Variants in MUC5B observed in about 807,000 individuals in gnomAD.
MUC5B encodes the protein mucin-5B.
Under a neutral mutation model 376.9 loss-of-function variants are expected in MUC5B, and 116 were observed. The observed-to-expected ratio is 0.31, with a 90% CI of 0.26 to 0.36. The LOEUF is 0.36. Among genes scored for constraint, MUC5B ranks in the 10% least tolerant of loss-of-function variants. The pLI is 1.00. For synonymous variants in MUC5B, 3,517 were observed against 3,390.9 expected, an observed-to-expected ratio of 1.04 and a Z score of -1.29; for missense variants, 7,165 against 7,769.9, an observed-to-expected ratio of 0.92 and a Z score of 2.93.
chr11:1,240,896 G>A lies in MUC5B; in HGVS notation c.4016G>A (p.Arg1339His), dbSNP rs754848567. Reference sequence around the variant, plus strand: ...ACCGTGTGTGTCCGCGAGGTCTGCCGCTGGTCCAGCTGGTACAATGGGCAC... The same window carrying A: ...ACCGTGTGTGTCCGCGAGGTCTGCCACTGGTCCAGCTGGTACAATGGGCAC... ...VSTVCVREVC[R>H]WSSWYNGHRP... The change falls in exon 31 of 49, where the codon CGC becomes CAC. Residue 1339 changes from arginine (R) to histidine (H), a missense_variant. Arg to His is a conservative substitution (Grantham distance 29, BLOSUM62 0). This residue lies in a region of MUC5B where 517 missense variants were observed against 545.3 expected (regional missense o/e 0.95). Coordinates refer to ENST00000529681, the MANE Select transcript of MUC5B (RefSeq NM_002458.3). 9.3e-6 allele frequency: 15 copies of A among 1,612,360 alleles called. No individual in the cohort carries two copies. The highest frequency in any genetic ancestry group is 6.7e-5 in the African/African-American group (5 of 74,926).
Position 1,241,280 on chromosome 11 carries a change from C to A in MUC5B, c.4400C>A (p.Thr1467Asn). 6.3e-7 allele frequency: 1 copy of A among 1,597,788 alleles called. No homozygotes were observed. Among genetic ancestry groups the A allele is most frequent in the Non-Finnish European group, 8.5e-7 (1 of 1,172,334 alleles). Residue 1467 changes from threonine (T) to asparagine (N), a missense_variant, in exon 31 of 49, where the codon ACC (threonine) becomes AAC (asparagine). Transcript: ENST00000529681. ...PTQTTATEKT[T>N]LWVTPSIRST... is the part of the protein sequence containing the mutation. ...CAGACCACAGCAACCGAAAAGACCA[C>A]CCTATGGGTGACCCCGAGCATCCGG...
chr11:1,230,736 GC>G, intron 12 of MUC5B, 136 bp downstream of exon 12: 1 of 598,734 alleles, frequency 1.7e-6, no homozygotes, highest in Non-Finnish European at 2.5e-6. Flanking sequence ...TCCCCCTCCA[GC>G]CCCCAGGTCA....
chr11:1,248,873 C>A lies in MUC5B; in HGVS notation c.11993C>A (p.Thr3998Asn). 6.5e-7 allele frequency: 1 copy of A among 1,548,440 alleles called. No homozygotes were observed. The highest frequency in any genetic ancestry group is 8.7e-7 in the Non-Finnish European group (1 of 1,145,928). ...GTGACTCCCTCCTCTGCCCTAGGGA[C>A]CACCCACACACCCCCAGTGCCGAAC... ...STVTPSSALG[T>N]THTPPVPNTT... The change falls in exon 31 of 49, where the codon ACC becomes AAC. Residue 3998 changes from threonine (T) to asparagine (N), a missense_variant. Physicochemically the swap from Thr to Asn is moderately conservative, Grantham distance 65. Coordinates refer to ENST00000529681, the MANE Select transcript of MUC5B (RefSeq NM_002458.3).
chr11:1,233,831 C>A lies in MUC5B; in HGVS notation c.2360C>A (p.Ser787Tyr). The stretch of plus-strand genomic sequence containing the variant: ...GGGAAGCTAAGCTGCCTGGGAGCCT[C>A]TCTGCAGAAAAGCACAGGTAAGTGC... ...TGGKLSCLGA[S>Y]LQKSTGCAAP... Residue 787 changes from serine to tyrosine, a missense_variant, in exon 19 of 49, where the codon TCT becomes TAT. Ser to Tyr is a moderately radical substitution (Grantham distance 144). Transcript: ENST00000529681. The A allele has an allele frequency of 6.2e-7, 1 of 1,604,362 alleles. No homozygotes were observed.
rs1296144611 is a variant in MUC5B at position 1,258,653 on chromosome 11, AGATTCCTACCCGCCCG to A, written c.16594-281_16594-266del. Among the ~76,000 whole-genome samples the A allele has an allele frequency of 6.6e-6, 1 of 151,868 alleles. No individual in the cohort carries two copies. The highest frequency in any genetic ancestry group is 1.5e-5 in the Non-Finnish European group (1 of 67,902). ...GCCTGGGGTCCCCGCCTGCCCGCCC[AGATTCCTACCCGCCCG>A]GATTCCTGCCTGCCAGATTCCTGCC... is the stretch of plus-strand genomic sequence containing the variant. On this transcript the variant is annotated intron_variant, in intron 43 of 48. Coordinates refer to ENST00000529681, the MANE Select transcript of MUC5B (RefSeq NM_002458.3). This position sits in a 1 kb window ranked among gnomAD's most constrained non-coding sequence, Gnocchi z 5.5.
chr11:1,241,100 G>A lies in MUC5B; in HGVS notation c.4220G>A (p.Cys1407Tyr). 1 of 1,612,172 alleles carries A rather than the reference G, an allele frequency of 6.2e-7. No individual in the cohort carries two copies. Among genetic ancestry groups the A allele is most frequent in the Non-Finnish European group, 8.5e-7 (1 of 1,179,294 alleles). Reference protein sequence around the residue: ...VDCDRMRGLMCANSQQSPPLC... With the variant: ...VDCDRMRGLMYANSQQSPPLC... ...TGTGACCGCATGCGGGGGCTGATGT[G>A]CGCCAACAGCCAACAGAGTCCCCCG... Residue 1407 changes from cysteine to tyrosine, a missense_variant, in exon 31 of 49, where the codon TGC (cysteine) becomes TAC (tyrosine). Physicochemically the swap from Cys to Tyr is radical, Grantham distance 194 (BLOSUM62 -2). This residue lies in a region of MUC5B where 517 missense variants were observed against 545.3 expected (regional missense o/e 0.95). Transcript: ENST00000529681.
Position 1,260,618 on chromosome 11 carries a change from C to T in MUC5B, c.16967-8C>T, listed in dbSNP as rs771033712. 6 of 1,610,278 alleles carry T rather than the reference C, an allele frequency of 3.7e-6. No individual in the cohort carries two copies. The East Asian group carries it at 8.9e-5, about 24-fold the overall frequency. On this transcript the variant is annotated splice_region_variant and splice_polypyrimidine_tract_variant and intron_variant, in intron 47 of 48. Coordinates refer to ENST00000529681, the MANE Select transcript of MUC5B (RefSeq NM_002458.3). ...GTGGGGCTCCACATCTGCCTTTCCT[C>T]CTCCCAGACTCCTGTCAAGTCCGCA...
chr11:1,226,783 T>C lies in MUC5B; in HGVS notation c.368T>C (p.Val123Ala), dbSNP rs775923468. ...AACGTCCAGCTACGCCGAGGCCTAG[T>C]GGGCTCCAGGCCTGTGGTCACCCGT... ...DFNVQLRRGLVGSRPVVTRVV... is the reference protein window; with the variant it reads ...DFNVQLRRGLAGSRPVVTRVV... The change falls in exon 4 of 49, where the codon GTG becomes GCG. Residue 123 changes from valine (V) to alanine (A), a missense_variant. By Grantham distance (64) the Val-to-Ala change is moderately conservative (BLOSUM62 0). Coordinates refer to ENST00000529681, the MANE Select transcript of MUC5B (RefSeq NM_002458.3). The C allele has an allele frequency of 3.7e-6, 6 of 1,612,416 alleles. No individual in the cohort carries two copies. Among genetic ancestry groups the C allele is most frequent in the Non-Finnish European group, 5.1e-6 (6 of 1,179,796 alleles).
chr11:1,232,645 A>G lies in MUC5B; in HGVS notation c.1940A>G (p.Asn647Ser), dbSNP rs748552396. The G allele has an allele frequency of 6.2e-7, 1 of 1,602,184 alleles. No homozygotes were observed. Among genetic ancestry groups the G allele is most frequent in the South Asian group, 1.1e-5 (1 of 89,158 alleles). Reference protein sequence around the residue: ...SIINPKPFHSNCMFDTCNCER... With the variant: ...SIINPKPFHSSCMFDTCNCER... ...CCCCGATGCCTCCCACCTCCGCAGA[A>G]CTGCATGTTTGACACCTGCAACTGT... is the stretch of plus-strand genomic sequence containing the variant. Residue 647 changes from asparagine (N) to serine (S), a missense_variant and splice_region_variant, in exon 17 of 49, where the codon AAC (asparagine) becomes AGC (serine). Asn to Ser is a conservative substitution (Grantham distance 46). This residue lies in a region of MUC5B where 530 missense variants were observed against 604.0 expected (regional missense o/e 0.88). Coordinates refer to ENST00000529681, the MANE Select transcript of MUC5B (RefSeq NM_002458.3).
rs186930739 is a variant in MUC5B at position 1,261,766 on chromosome 11, C to T, written c.*158C>T. 6.6e-4 allele frequency: 511 copies of T among 776,878 alleles called. 6 individuals are homozygous for T. The African/African-American group carries it at 7.7e-3, about 12-fold the overall frequency. 48.1% of individuals were successfully genotyped at this position (776,878 alleles called of 1,614,324 possible). A position where few individuals can be genotyped will look rare whatever the true frequency, so the allele number is the denominator to read the frequency against. ...TGCCCACCCCGTGGGTGAAACCGGC[C>T]CCAGAAGGGTGAGGGGCCAGCAGGA... is the stretch of plus-strand genomic sequence containing the variant. On this transcript the variant is annotated 3_prime_UTR_variant, in exon 49 of 49. Transcript: ENST00000529681.
chr11:1,241,211 C>A lies in MUC5B; in HGVS notation c.4331C>A (p.Pro1444His). The A allele has an allele frequency of 6.3e-7, 1 of 1,593,642 alleles. No individual in the cohort carries two copies. Among genetic ancestry groups the A allele is most frequent in the East Asian group, 2.3e-5 (1 of 43,388 alleles). ...CCGGCCCCAGGCACCAGCCCTCAGC[C>A]CTCCCTCAGTGCCAGCACGGAGCCT... ...PSPAPGTSPQPSLSASTEPAV... is the reference protein window; with the variant it reads ...PSPAPGTSPQHSLSASTEPAV... The change falls in exon 31 of 49, where the codon CCC becomes CAC. Residue 1444 changes from proline to histidine, a missense_variant. Coordinates refer to ENST00000529681, the MANE Select transcript of MUC5B (RefSeq NM_002458.3).
At position 1,260,398 on chromosome 11, in the gene MUC5B, G is replaced by T; in HGVS notation, c.16966+5G>T. On this transcript the variant is annotated splice_donor_5th_base_variant and intron_variant, in intron 47 of 48. Transcript: ENST00000529681. Reference sequence around the variant, plus strand: ...GCTGCTACTCCTGTGAGGAGGGTAAGTGGAAGCCACCTTCCCACACCAGCC... The same window carrying T: ...GCTGCTACTCCTGTGAGGAGGGTAATTGGAAGCCACCTTCCCACACCAGCC... The T allele has an allele frequency of 6.2e-7, 1 of 1,612,502 alleles. No homozygotes were observed. The highest frequency in any genetic ancestry group is 8.5e-7 in the Non-Finnish European group (1 of 1,179,742).
Position 1,249,956 on chromosome 11 carries a change from C to A in MUC5B, c.13076C>A (p.Thr4359Asn). 2 of 1,611,718 alleles carry A rather than the reference C, an allele frequency of 1.2e-6. No individual in the cohort carries two copies. Among genetic ancestry groups the A allele is most frequent in the Non-Finnish European group, 1.7e-6 (2 of 1,179,036 alleles). ...STIHPSSTPE[T>N]THTSTVLTTK... ...ATCCACCCCTCCTCCACTCCGGAGA[C>A]CACCCACACCTCCACAGTGCTGACC... is the stretch of plus-strand genomic sequence containing the variant. The change falls in exon 31 of 49, where the codon ACC becomes AAC. Residue 4359 changes from threonine (T) to asparagine (N), a missense_variant. Thr to Asn is a moderately conservative substitution (Grantham distance 65). This residue lies in a region of MUC5B where 431 missense variants were observed against 390.4 expected (regional missense o/e 1.10). Transcript: ENST00000529681.
At position 1,249,115 on chromosome 11, in the gene MUC5B, C is replaced by A. The variant is rs749454706; in HGVS notation, c.12235C>A (p.Pro4079Thr). ...CCCTAGCAGCAGGACCACCGAGTCA[C>A]CCCCTTCCCCAGGGACGACCACCCC... Reference protein sequence around the residue: ...PHPSSRTTESPPSPGTTTPGH... With the variant: ...PHPSSRTTESTPSPGTTTPGH... The change falls in exon 31 of 49, where the codon CCC becomes ACC. Residue 4079 changes from proline to threonine, a missense_variant. This residue lies in a region of MUC5B where 85 missense variants were observed against 78.2 expected (regional missense o/e 1.09). Transcript: ENST00000529681. 5.6e-6 allele frequency: 9 copies of A among 1,611,252 alleles called. No individual in the cohort carries two copies. The African/African-American group carries it at 9.4e-5, about 17-fold the overall frequency.
At chr11:1,240,519 C>T in intron 30 of MUC5B, 144 bp downstream of exon 30, 2 of 763,380 alleles carry the variant, frequency 2.6e-6, no homozygotes, top group Non-Finnish European at 4.1e-6. Context: ...TGCACGGCCC[C>T]TCAACACCCT....
Position 1,248,619 on chromosome 11 carries a change from C to A in MUC5B, c.11739C>A (p.Thr3913=), listed in dbSNP as rs1276941833. Residue 3913 remains threonine (T), a synonymous_variant, in exon 31 of 49, where the codon ACC becomes ACA. Coordinates refer to ENST00000529681, the MANE Select transcript of MUC5B (RefSeq NM_002458.3). ...TVTPSSVPGT[T]HTPTVLTTTT... Reference sequence around the variant, plus strand: ...CCCCCTCCTCCGTCCCGGGGACCACCCACACCCCCACAGTGCTGACCACCA... The same window carrying A: ...CCCCCTCCTCCGTCCCGGGGACCACACACACCCCCACAGTGCTGACCACCA... 14 of 1,612,498 alleles carry A rather than the reference C, an allele frequency of 8.7e-6. No homozygotes were observed. The highest frequency in any genetic ancestry group is 4.5e-5 in the East Asian group (2 of 44,828).
Position 1,239,940 on chromosome 11 carries a change from G to A in MUC5B, c.3725G>A (p.Ser1242Asn). ...ARVPTAENCQ[S>N]CNCTPSGIQC... The stretch of plus-strand genomic sequence containing the variant: ...GTCCCCACAGCGGAGAACTGCCAGA[G>A]CTGGTGAGGGGGTGGGAAGCGGGTG... Residue 1242 changes from serine (S) to asparagine (N), a missense_variant, in exon 28 of 49, where the codon AGC becomes AAC. Ser to Asn is a conservative substitution (Grantham distance 46). This residue lies in a region of MUC5B where 517 missense variants were observed against 545.3 expected (regional missense o/e 0.95). Transcript: ENST00000529681. 6.2e-7 allele frequency: 1 copy of A among 1,613,140 alleles called. No individual in the cohort carries two copies. The highest frequency in any genetic ancestry group is 8.5e-7 in the Non-Finnish European group (1 of 1,179,658).
chr11:1,241,823 C>G lies in MUC5B; in HGVS notation c.4943C>G (p.Thr1648Arg). The change falls in exon 31 of 49, where the codon ACA becomes AGA. Residue 1648 changes from threonine (T) to arginine (R), a missense_variant. Coordinates refer to ENST00000529681, the MANE Select transcript of MUC5B (RefSeq NM_002458.3). ...GLTRAPPAST[T>R]AVPTLSEGLT... ...ACCAGGGCTCCCCCGGCCAGCACCA[C>G]AGCAGTCCCCACCCTCTCAGAAGGA... 6.2e-7 allele frequency: 1 copy of G among 1,613,240 alleles called. No homozygotes were observed. Among genetic ancestry groups the G allele is most frequent in the African/African-American group, 1.3e-5 (1 of 74,996 alleles).
In MUC5B at chr11:1,240,051, C is replaced by T. The variant is rs1261917220; in HGVS notation, c.3735C>T (p.Cys1245=). 12 of 1,576,478 alleles carry T rather than the reference C, an allele frequency of 7.6e-6. No individual in the cohort carries two copies. The highest frequency in any genetic ancestry group is 1.0e-5 in the Non-Finnish European group (12 of 1,160,546). ...PTAENCQSCN[C]TPSGIQCAHS... ...GCCTCTCCCCCACCCCTAGTAACTG[C>T]ACACCCAGTGGCATCCAGTGCGCTC... The change falls in exon 29 of 49, where the codon TGC becomes TGT. Residue 1245 remains cysteine, a synonymous_variant. Coordinates refer to ENST00000529681, the MANE Select transcript of MUC5B (RefSeq NM_002458.3).
Sources: gnomAD v4.1 joint callset for allele counts (sites outside exome capture counted in the v4.1 genomes callset) on GRCh38, gnomAD v4.1.1 for gene constraint, gnomAD v4.1.1 regional missense constraint, Gnocchi (gnomAD v3.1) non-coding constraint, MANE v1.5 for transcripts, NCBI Gene and HGNC (gene_info 2026-07-23, HGNC 2026-07-21) for gene names.